Variants in NAALADL2 observed in about 807,000 individuals in gnomAD.
NAALADL2 encodes the protein inactive N-acetylated-alpha-linked acidic dipeptidase-like protein 2.
A neutral mutation model predicts 87.2 loss-of-function variants in NAALADL2; 76 were observed. The ratio of observed to expected loss-of-function variants is 0.87; its 90% CI spans 0.72 to 1.05. The LOEUF (loss-of-function observed/expected upper bound fraction) is 1.05. Among genes scored for constraint, NAALADL2 ranks in the 50% least tolerant of loss-of-function variants. The probability of loss-of-function intolerance (pLI) is 0.00; values close to 1 mark genes in which losing one functional copy is unlikely to be tolerated. For synonymous variants in NAALADL2, 354 were observed against 331.0 expected, an observed-to-expected ratio of 1.07 and a Z score of -0.75; for missense variants, 1,089 against 945.8, an observed-to-expected ratio of 1.15 and a Z score of -1.99.
intron 1 of NAALADL2, among the ~76,000 whole-genome samples, chr3:174,887,174 A>T (rs957673638): frequency 1.3e-5 from 2 of 151,856 alleles, no homozygotes; most frequent in Non-Finnish European, 2.9e-5. Flanking sequence ...ATTGAAGTCT[A>T]GAAGTTTGTT....
intron 2 of NAALADL2, among the ~76,000 whole-genome samples, chr3:174,597,584 C>A (rs1718038416): frequency 2.0e-5 from 3 of 152,118 alleles, no homozygotes; most frequent in Non-Finnish European, 2.9e-5. Flanking sequence ...CAATATTTTC[C>A]TTTCGCATTT....
At chr3:174,832,152 T>C (rs1279336379) in intron 3 of NAALADL2, among the ~76,000 whole-genome samples, 1 of 152,208 alleles carries the variant, frequency 6.6e-6, no homozygotes, top group Non-Finnish European at 1.5e-5. Flanking sequence ...TTCTGCTAAC[T>C]TTTGAATGTG....
chr3:175,223,094 CTGTG>C (rs71626203), intron 2 of NAALADL2, among the ~76,000 whole-genome samples: 4,942 of 147,562 alleles, frequency 0.033, 241 homozygotes, highest in African/African-American at 0.11. Flanking sequence ...CATAGTTACT[CTGTG>C]TGTGTGTGTG....
At chr3:175,006,378 T>C (rs887668349) in intron 1 of NAALADL2, among the ~76,000 whole-genome samples, 10 of 152,190 alleles carry the variant, frequency 6.6e-5, no homozygotes, top group Non-Finnish European at 1.3e-4. Flanking sequence ...ATTTTATATG[T>C]CTTACCATAC....
chr3:175,732,736 T>C (rs1028912852), intron 11 of NAALADL2, among the ~76,000 whole-genome samples: 26 of 152,144 alleles, frequency 1.7e-4, no homozygotes, highest in Non-Finnish European at 3.2e-4. Flanking sequence ...TGCAGGATAC[T>C]TTTTCAGCAC....
At chr3:174,864,050 G>A in intron 1 of NAALADL2, 1 of 455,730 alleles carries the variant, frequency 2.2e-6, no homozygotes, top group Non-Finnish European at 4.4e-6. Context: ...CAAATTTGGA[G>A]CAAAGAAAGT....
chr3:175,035,301 A>G (rs1205954603), intron 1 of NAALADL2, among the ~76,000 whole-genome samples: 1 of 152,184 alleles, frequency 6.6e-6, no homozygotes, highest in East Asian at 1.9e-4. Context: ...GAGGATAAGC[A>G]TTGATGTGTG....
chr3:175,567,868 A>G (rs1252733959), intron 9 of NAALADL2, among the ~76,000 whole-genome samples: 1 of 152,008 alleles, frequency 6.6e-6, no homozygotes, highest in Non-Finnish European at 1.5e-5. Flanking sequence ...GGCGTGTGTC[A>G]TAACACCCCG....
At chr3:175,747,638 C>G (rs960736942) in intron 12 of NAALADL2, among the ~76,000 whole-genome samples, 4 of 151,342 alleles carry the variant, frequency 2.6e-5, no homozygotes, top group Admixed American at 6.6e-5. Context: ...TTCATTTAAG[C>G]CTTTTTTTTT....
chr3:174,468,384 C>CTTTTTTTTTTT (rs67829845), intron 1 of NAALADL2, among the ~76,000 whole-genome samples: 1 of 132,738 alleles, frequency 7.5e-6, no homozygotes, highest in Admixed American at 7.9e-5. Context: ...CTTTCTTTTT[C>CTTTTTTTTTTT]TTTTTTTTTT....
intron 5 of NAALADL2, among the ~76,000 whole-genome samples, chr3:175,378,813 A>G (rs1369033083): frequency 6.6e-6 from 1 of 152,216 alleles, no homozygotes; most frequent in Non-Finnish European, 1.5e-5. Flanking sequence ...AATTGTTTAC[A>G]CTGGGAGAGA....
At chr3:175,001,630 C>G (rs758282579) in intron 1 of NAALADL2, among the ~76,000 whole-genome samples, 4 of 151,916 alleles carry the variant, frequency 2.6e-5, no homozygotes, top group Non-Finnish European at 5.9e-5. Flanking sequence ...TCGTAATACC[C>G]TGGAACTTTC....
chr3:175,106,706 G>A (rs184726104), intron 2 of NAALADL2, among the ~76,000 whole-genome samples: 37 of 152,064 alleles, frequency 2.4e-4, no homozygotes, highest in East Asian at 2.1e-3. Context: ...TCTCTTTCAC[G>A]TTCCTGTTTA....
chr3:175,670,991 T>A (rs1241198481), intron 11 of NAALADL2, among the ~76,000 whole-genome samples: 1 of 151,272 alleles, frequency 6.6e-6, no homozygotes, highest in Non-Finnish European at 1.5e-5. Context: ...GACCTCAAGT[T>A]GTAAAAAAAA....
chr3:174,759,801 A>G (rs535927354), intron 3 of NAALADL2, among the ~76,000 whole-genome samples: 96 of 152,092 alleles, frequency 6.3e-4, no homozygotes, highest in African/African-American at 2.2e-3. Flanking sequence ...TCCAGGTTCA[A>G]GTGATTCTCC....
chr3:174,945,799 G>T (rs1282160671), intron 1 of NAALADL2, among the ~76,000 whole-genome samples: 2 of 152,116 alleles, frequency 1.3e-5, no homozygotes, highest in East Asian at 3.9e-4. Context: ...TGTAATCCCA[G>T]CACTCTGGGA....
chr3:175,604,505 C>T (rs28648518), intron 10 of NAALADL2, among the ~76,000 whole-genome samples: 2,617 of 152,002 alleles, frequency 0.017, 72 homozygotes, highest in Admixed American at 0.065. Flanking sequence ...GGGGTTTCAC[C>T]GTGTTAGCCA....
At chr3:175,692,338 A>G (rs1022683176) in intron 11 of NAALADL2, among the ~76,000 whole-genome samples, 1 of 152,166 alleles carries the variant, frequency 6.6e-6, no homozygotes, top group Admixed American at 6.6e-5. Flanking sequence ...ACTAGAATAA[A>G]TACTGACTAC....
intron 4 of NAALADL2, among the ~76,000 whole-genome samples, chr3:175,322,927 T>G (rs1322952674): frequency 6.6e-6 from 1 of 151,718 alleles, no homozygotes; most frequent in Non-Finnish European, 1.5e-5. Flanking sequence ...GAAGTCAGTG[T>G]GGCGATTCCT....
Sources: gnomAD v4.1 joint callset for allele counts (sites outside exome capture counted in the v4.1 genomes callset) on GRCh38, gnomAD v4.1.1 for gene constraint, MANE v1.5 for transcripts, NCBI Gene and HGNC (gene_info 2026-07-23, HGNC 2026-07-21) for gene names.